CACNA2D4: variants seen among roughly 807,000 people sequenced by gnomAD.
The protein encoded by CACNA2D4 is calcium voltage-gated channel auxiliary subunit alpha2delta 4.
CACNA2D4 carries 157 observed loss-of-function variants against 163.8 expected under a neutral mutation model. That is an observed-to-expected ratio of 0.96 (90% CI 0.84 to 1.09). The LOEUF (loss-of-function observed/expected upper bound fraction) is 1.09, where lower values mean the gene tolerates loss of function less well. Among genes scored for constraint, CACNA2D4 ranks in the 50% least tolerant of loss-of-function variants. The probability of loss-of-function intolerance (pLI) is 0.00; values close to 1 mark genes in which losing one functional copy is unlikely to be tolerated. For missense variants in CACNA2D4, 1,410 were observed against 1,479.9 expected, an observed-to-expected ratio of 0.95 and a Z score of 0.78; for synonymous variants, 598 against 586.9, an observed-to-expected ratio of 1.02 and a Z score of -0.27.
chr12:1,897,745 C>T (rs571858023), intron 6 of CACNA2D4, among the ~76,000 whole-genome samples: 47 of 152,254 alleles, frequency 3.1e-4, no homozygotes, highest in Non-Finnish European at 1.3e-4. Context: ...TGGTGTCACT[C>T]TATGACTATC....
At chr12:1,910,091 A>G in intron 3 of CACNA2D4, 126 bp from the exon 4 acceptor site, 1 of 766,028 alleles carries the variant, frequency 1.3e-6, no homozygotes, top group Admixed American at 2.0e-5. Context: ...AAGGATTGAA[A>G]ACAGGGATGC....
intron 29 of CACNA2D4, among the ~76,000 whole-genome samples, chr12:1,808,759 C>G (rs557745287): frequency 6.6e-6 from 1 of 152,362 alleles, no homozygotes; most frequent in African/African-American, 2.4e-5. Context: ...GGGGTCGGAG[C>G]ACGAATGAGG....
intron 6 of CACNA2D4, among the ~76,000 whole-genome samples, chr12:1,901,628 A>G (rs961661476): frequency 6.6e-6 from 1 of 152,130 alleles, no homozygotes; most frequent in Non-Finnish European, 1.5e-5. Context: ...ACAACCTACT[A>G]AGATTGAACC....
rs1864035974 is a variant in CACNA2D4, at chr12:1,820,244, G to A, written c.2552-8521C>T. 1 of 152,002 alleles carries A rather than the reference G, an allele frequency of 6.6e-6. No homozygotes were observed. Among genetic ancestry groups the A allele is most frequent in the Non-Finnish European group, 1.5e-5 (1 of 68,098 alleles). 9.4% of individuals were successfully genotyped at this position (152,002 alleles called of 1,614,324 possible). A position where few individuals can be genotyped will look rare whatever the true frequency, so the allele number is the denominator to read the frequency against. On this transcript the variant is annotated intron_variant, in intron 26 of 37. Coordinates refer to ENST00000382722, the MANE Select transcript of CACNA2D4 (RefSeq NM_172364.5). The surrounding 1 kb of genome is among the most constrained non-coding windows in gnomAD (Gnocchi z 6.0). ...GAGAGAGGCACAGAAGACAGGTGCA[G>A]CCGGGGGGGTGAGGGAGAGCCTGGA...
chr12:1,799,753 CAT>C lies in CACNA2D4; in HGVS notation c.2975-60_2975-59del. The C allele has an allele frequency of 6.4e-7, 1 of 1,554,110 alleles. No individual in the cohort carries two copies. The highest frequency in any genetic ancestry group is 1.2e-5 in the South Asian group (1 of 84,316). ...CACGGCACAGGAAAACATGGTGGCACATGAGGGCAGGATGTCATGGGGTGGTG... is the reference window on the plus strand; with the variant it reads ...CACGGCACAGGAAAACATGGTGGCACGAGGGCAGGATGTCATGGGGTGGTG... On this transcript the variant is annotated intron_variant, in intron 33 of 37. Coordinates refer to ENST00000382722, the MANE Select transcript of CACNA2D4 (RefSeq NM_172364.5). This position sits in a 1 kb window ranked among gnomAD's most constrained non-coding sequence, Gnocchi z 4.7.
At chr12:1,839,628 G>A (rs756816556) in intron 26 of CACNA2D4, among the ~76,000 whole-genome samples, 11 of 152,188 alleles carry the variant, frequency 7.2e-5, no homozygotes, top group Non-Finnish European at 1.3e-4. Flanking sequence ...CAGAACCATC[G>A]CCTTCACTGG....
intron 37 of CACNA2D4, among the ~76,000 whole-genome samples, chr12:1,794,568 T>TAGG (rs1425260504): frequency 2.6e-5 from 4 of 152,192 alleles, no homozygotes; most frequent in Non-Finnish European, 5.9e-5. Context: ...CCCATGAGCC[T>TAGG]GTCTCAGGCT....
At chr12:1,881,683 A>T (rs1251219435) in intron 13 of CACNA2D4, among the ~76,000 whole-genome samples, 1 of 152,208 alleles carries the variant, frequency 6.6e-6, no homozygotes, top group Non-Finnish European at 1.5e-5. Context: ...CTGGACACTC[A>T]GGGCCCTATG....
At position 1,854,045 on chromosome 12, in the gene CACNA2D4, C is replaced by G. The variant is rs1234818825; in HGVS notation, c.2153-1G>C. The G allele has an allele frequency of 3.1e-6, 5 of 1,606,944 alleles. No individual in the cohort carries two copies. Among genetic ancestry groups the G allele is most frequent in the Non-Finnish European group, 4.3e-6 (5 of 1,176,102 alleles). Reference sequence around the variant, plus strand: ...ACCTCCCGGACCAGCTCCTCGTCACCTGGGTGCAAAACATCAGGGAACCAG... The same window carrying G: ...ACCTCCCGGACCAGCTCCTCGTCACGTGGGTGCAAAACATCAGGGAACCAG... On this transcript the variant is annotated splice_acceptor_variant, in intron 22 of 37. Coordinates refer to ENST00000382722, the MANE Select transcript of CACNA2D4 (RefSeq NM_172364.5). LOFTEE classifies it high-confidence loss of function.
Position 1,885,024 on chromosome 12 carries a change from T to C in CACNA2D4, c.1121A>G (p.Asp374Gly). 1 of 1,613,932 alleles carries C rather than the reference T, an allele frequency of 6.2e-7. No homozygotes were observed. Among genetic ancestry groups the C allele is most frequent in the Non-Finnish European group, 8.5e-7 (1 of 1,179,860 alleles). The part of the protein sequence containing the change: ...ELMVKGVGVV[D>G]QALREAFQIL... ...CTGGAAGGCTTCTCTCAGGGCTTGG[T>C]CCACGACCCCCACACCTTTGACCAT... The change falls in exon 10 of 38, where the codon GAC (aspartate) becomes GGC (glycine). Residue 374 changes from aspartate (D) to glycine (G), a missense_variant. Transcript: ENST00000382722.
intron 6 of CACNA2D4, among the ~76,000 whole-genome samples, chr12:1,906,997 T>G (rs1448806752): frequency 6.6e-6 from 1 of 152,266 alleles, no homozygotes; most frequent in Non-Finnish European, 1.5e-5. Flanking sequence ...TGTTTTCTAT[T>G]TTTATTGATG....
At position 1,913,027 on chromosome 12, in the gene CACNA2D4, A is replaced by G; in HGVS notation, c.422T>C (p.Val141Ala). ...ENMLRRKVEA[V>A]QNLVEAAEEA... The stretch of plus-strand genomic sequence containing the variant: ...CAGATCACAGGCCTGGAGTACCTGG[A>G]CCGCCTCGACTTTCCTCCGCAGCAT... The change falls in exon 3 of 38, where the codon GTC becomes GCC. Residue 141 changes from valine (V) to alanine (A), a missense_variant. Val to Ala is a moderately conservative substitution (Grantham distance 64). Coordinates refer to ENST00000382722, the MANE Select transcript of CACNA2D4 (RefSeq NM_172364.5). 1 of 1,608,942 alleles carries G rather than the reference A, an allele frequency of 6.2e-7. No homozygotes were observed. The highest frequency in any genetic ancestry group is 1.1e-5 in the South Asian group (1 of 90,922).
At position 1,856,961 on chromosome 12, in the gene CACNA2D4, T is replaced by C. The variant is rs1865414436; in HGVS notation, c.2009-732A>G. ...CAAGCAGCTGGAAGGGGAGCTCCCT[T>C]GCCCACAGAAGACCAGGAGACTCCG... On this transcript the variant is annotated intron_variant, in intron 20 of 37. Coordinates refer to ENST00000382722, the MANE Select transcript of CACNA2D4 (RefSeq NM_172364.5). Among the ~76,000 whole-genome samples the C allele has an allele frequency of 2.0e-5, 3 of 152,216 alleles. 1 individual carries two copies. The South Asian group carries it at 6.2e-4, about 32-fold the overall frequency.
At chr12:1,918,134 G>A in intron 1 of CACNA2D4, 113 bp downstream of exon 1, 1 of 774,338 alleles carries the variant, frequency 1.3e-6, no homozygotes, top group Non-Finnish European at 2.2e-6. Flanking sequence ...CTGGGGAAAA[G>A]CCCAGAGGGA....
intron 1 of CACNA2D4, among the ~76,000 whole-genome samples, chr12:1,915,567 G>A (rs1290092796): frequency 6.6e-6 from 1 of 152,242 alleles, no homozygotes; most frequent in Non-Finnish European, 1.5e-5. Flanking sequence ...TGAAACCTCA[G>A]AGAACGCGTG....
In CACNA2D4 at chr12:1,799,613, T is replaced by C. The variant is rs928027073; in HGVS notation, c.2995+62A>G. 18 of 1,536,120 alleles carry C rather than the reference T, an allele frequency of 1.2e-5. No individual in the cohort carries two copies. In the Admixed American group the frequency reaches 2.9e-4, roughly 25 times the overall value. On this transcript the variant is annotated intron_variant, in intron 34 of 37. Transcript: ENST00000382722. The surrounding 1 kb of genome is among the most constrained non-coding windows in gnomAD (Gnocchi z 4.7). Reference sequence around the variant, plus strand: ...GACAGGTCATGGAGGGTGGGTTCTTTGTAGCTCCTGCTGCGTCCCCAACCC... The same window carrying C: ...GACAGGTCATGGAGGGTGGGTTCTTCGTAGCTCCTGCTGCGTCCCCAACCC...
chr12:1,899,180 C>A (rs1866481230), intron 6 of CACNA2D4, among the ~76,000 whole-genome samples: 1 of 152,046 alleles, frequency 6.6e-6, no homozygotes, highest in Admixed American at 6.5e-5. Flanking sequence ...AACAGAGCTT[C>A]TAGTGGCATA....
At chr12:1,848,717 T>C (rs542708113) in intron 23 of CACNA2D4, among the ~76,000 whole-genome samples, 1 of 151,660 alleles carries the variant, frequency 6.6e-6, no homozygotes, top group South Asian at 2.1e-4. Flanking sequence ...AGTATCATTA[T>C]GAACCCAAGT....
rs1863030155 is a variant in CACNA2D4 at position 1,793,427 on chromosome 12, G to C, written c.*228C>G. 5.0e-6 allele frequency: 3 copies of C among 602,292 alleles called. No individual in the cohort carries two copies. Among genetic ancestry groups the C allele is most frequent in the Non-Finnish European group, 9.0e-6 (3 of 334,914 alleles). 37.3% of individuals were successfully genotyped at this position (602,292 alleles called of 1,614,324 possible). A position where few individuals can be genotyped will look rare whatever the true frequency, so the allele number is the denominator to read the frequency against. ...AGAAGTATGCTCATGTTGAGACCTA[G>C]GGCAGATGGTACCGGGCACCATGAA... On this transcript the variant is annotated 3_prime_UTR_variant, in exon 38 of 38. Transcript: ENST00000382722.
Sources: allele counts gnomAD v4.1 joint callset (sites outside exome capture counted in the v4.1 genomes callset), GRCh38; gene constraint gnomAD v4.1.1; non-coding constraint Gnocchi (gnomAD v3.1); transcripts MANE v1.5; gene names NCBI Gene and HGNC (gene_info 2026-07-23, HGNC 2026-07-21).